Variants in NUBPL observed in about 807,000 individuals in gnomAD.
NUBPL encodes iron-sulfur cluster transfer protein NUBPL.
In NUBPL, 31 loss-of-function variants were observed where a neutral mutation model predicts 45.7. The ratio of observed to expected loss-of-function variants is 0.68; its 90% confidence interval spans 0.51 to 0.92. The LOEUF is 0.92. Ranked by LOEUF, NUBPL falls within the 40% of genes least tolerant of loss-of-function variation. The probability of loss-of-function intolerance (pLI) is 0.00; values close to 1 mark genes in which losing one functional copy is unlikely to be tolerated. For missense variants in NUBPL, 401 were observed against 398.7 expected (o/e 1.01, Z -0.05); for synonymous variants, 144 against 140.9 (o/e 1.02, Z -0.15).
intron 3 of NUBPL, among the ~76,000 whole-genome samples, chr14:31,589,111 A>C (rs1025419118): frequency 1.8e-4 from 27 of 152,236 alleles, no homozygotes; most frequent in African/African-American, 6.0e-4. Flanking sequence ...GGTGTAACAG[A>C]TTAAAAAAAG....
At chr14:31,691,814 T>C (rs2037100287) in intron 6 of NUBPL, among the ~76,000 whole-genome samples, 1 of 152,200 alleles carries the variant, frequency 6.6e-6, no homozygotes, top group South Asian at 2.1e-4. Context: ...TCAATGCCTT[T>C]ACCAACCTCT....
At chr14:31,648,374 C>G (rs1368578772) in intron 4 of NUBPL, among the ~76,000 whole-genome samples, 2 of 152,186 alleles carry the variant, frequency 1.3e-5, no homozygotes, top group Non-Finnish European at 2.9e-5. Context: ...AGGTAGAACT[C>G]TCCTGGAAGA....
At chr14:31,746,412 T>G (rs114347110) in intron 6 of NUBPL, among the ~76,000 whole-genome samples, 1,854 of 152,144 alleles carry the variant, frequency 0.012, 57 homozygotes, top group African/African-American at 0.035. Context: ...CTGGCAAATT[T>G]TGTTAAATGC....
chr14:31,783,049 A>G (rs1294186758), intron 6 of NUBPL, among the ~76,000 whole-genome samples: 1 of 152,118 alleles, frequency 6.6e-6, no homozygotes, highest in East Asian at 1.9e-4. Context: ...AAATCCAAAC[A>G]CCAGAGCACC....
chr14:31,852,544 A>C (rs900495207), intron 10 of NUBPL, among the ~76,000 whole-genome samples: 4 of 151,976 alleles, frequency 2.6e-5, no homozygotes, highest in African/African-American at 9.7e-5. Flanking sequence ...GGTGGCACAC[A>C]CCTCTAATCC....
intron 6 of NUBPL, among the ~76,000 whole-genome samples, chr14:31,701,634 G>A (rs1419190970): frequency 6.6e-6 from 1 of 152,068 alleles, no homozygotes; most frequent in East Asian, 1.9e-4. Context: ...CCCACTGGAA[G>A]GAATGAACAA....
At chr14:31,590,140 G>A (rs1049490174) in intron 3 of NUBPL, among the ~76,000 whole-genome samples, 1 of 152,110 alleles carries the variant, frequency 6.6e-6, no homozygotes, top group African/African-American at 2.4e-5. Context: ...TTCTCACAGA[G>A]CAATCCTTTT....
chr14:31,586,348 G>C (rs576399977), intron 3 of NUBPL, among the ~76,000 whole-genome samples: 1 of 152,132 alleles, frequency 6.6e-6, no homozygotes, highest in African/African-American at 2.4e-5. Flanking sequence ...AATTCCAGTC[G>C]TTCAAAGGTA....
chr14:31,846,249 A>G (rs12880879), intron 8 of NUBPL: 1 of 494,044 alleles, frequency 2.0e-6, no homozygotes, highest in Non-Finnish European at 3.6e-6. Flanking sequence ...CTGTTCATTC[A>G]TCTCTTTTTA....
At chr14:31,715,047 CTT>C (rs1392678737) in intron 6 of NUBPL, among the ~76,000 whole-genome samples, 3 of 152,208 alleles carry the variant, frequency 2.0e-5, no homozygotes, top group African/African-American at 7.2e-5. Flanking sequence ...CTACCATATA[CTT>C]CTGTTTATAT....
At chr14:31,610,608 C>CAAAAAAAAAAAAA (rs775656176) in intron 4 of NUBPL, among the ~76,000 whole-genome samples, 61 of 94,628 alleles carry the variant, frequency 6.4e-4, no homozygotes, top group Non-Finnish European at 7.3e-4. Flanking sequence ...AAAGATACAT[C>CAAAAAAAAAAAAA]AAAAAAAAAA....
chr14:31,654,499 C>T (rs2036093924), intron 4 of NUBPL, among the ~76,000 whole-genome samples: 1 of 151,630 alleles, frequency 6.6e-6, no homozygotes, highest in African/African-American at 2.4e-5. Flanking sequence ...AGCTCCGCCT[C>T]CTGGGTTCAT....
chr14:31,719,294 T>C (rs1019089287), intron 6 of NUBPL, among the ~76,000 whole-genome samples: 3 of 152,186 alleles, frequency 2.0e-5, no homozygotes, highest in South Asian at 2.1e-4. Context: ...TATGTATTGC[T>C]TTCATACCAT....
chr14:31,729,739 T>A (rs2038009811), intron 6 of NUBPL, among the ~76,000 whole-genome samples: 1 of 152,004 alleles, frequency 6.6e-6, no homozygotes, highest in Non-Finnish European at 1.5e-5. Flanking sequence ...GCCATTTTTT[T>A]AAAATGGCAA....
rs1020748743 is a variant in NUBPL at position 31,766,337 on chromosome 14, A to G, written c.514-21443A>G. On this transcript the variant is annotated intron_variant, in intron 6 of 10. Coordinates refer to ENST00000281081, the MANE Select transcript of NUBPL (RefSeq NM_025152.3). ...AAAGCATTTGCAGTTTTTAGGGCCTAGTCATTTAATTATGTGAAAAGCAGC... is the reference window on the plus strand; with the variant it reads ...AAAGCATTTGCAGTTTTTAGGGCCTGGTCATTTAATTATGTGAAAAGCAGC... 2.0e-5 allele frequency among the ~76,000 whole-genome samples: 3 copies of G among 152,226 alleles called. No individual in the cohort carries two copies. The East Asian group carries it at 5.8e-4, about 29-fold the overall frequency.
At chr14:31,855,623 GTTTT>G (rs34242973) in intron 10 of NUBPL, among the ~76,000 whole-genome samples, 1 of 146,364 alleles carries the variant, frequency 6.8e-6, no homozygotes. Context: ...TGTTTTTAGA[GTTTT>G]TTTTTTTTTT....
intron 4 of NUBPL, among the ~76,000 whole-genome samples, chr14:31,618,041 G>C (rs1436487091): frequency 6.6e-6 from 1 of 152,182 alleles, no homozygotes; most frequent in Non-Finnish European, 1.5e-5. Context: ...ATTTCTTCTA[G>C]ATTTTCTAGT....
At chr14:31,793,801 T>C (rs1230546948) in intron 7 of NUBPL, among the ~76,000 whole-genome samples, 1 of 150,896 alleles carries the variant, frequency 6.6e-6, no homozygotes, top group Non-Finnish European at 1.5e-5. Context: ...ACTGTTTATG[T>C]AGAAGGATTT....
At chr14:31,718,102 CTTTT>C (rs1390160038) in intron 6 of NUBPL, among the ~76,000 whole-genome samples, 1 of 152,106 alleles carries the variant, frequency 6.6e-6, no homozygotes, top group East Asian at 1.9e-4. Context: ...AATATATTCT[CTTTT>C]TTTATCTTTC....
Sources: allele counts gnomAD v4.1 joint callset (sites outside exome capture counted in the v4.1 genomes callset), GRCh38; gene constraint gnomAD v4.1.1; transcripts MANE v1.5; gene names NCBI Gene and HGNC (gene_info 2026-07-23, HGNC 2026-07-21).